ROBO1: variants seen among roughly 807,000 people sequenced by gnomAD.
The protein encoded by ROBO1 is roundabout homolog 1.
In ROBO1, 149 loss-of-function variants were observed where a neutral mutation model predicts 195.9. The ratio of observed to expected loss-of-function variants is 0.76; its 90% confidence interval spans 0.67 to 0.87. The LOEUF (loss-of-function observed/expected upper bound fraction) is 0.87, where lower values mean the gene tolerates loss of function less well. Ranked by LOEUF, ROBO1 falls within the 40% of genes least tolerant of loss-of-function variation. The pLI is 0.00. For missense variants in ROBO1, 1,933 were observed against 2,068.3 expected, an observed-to-expected ratio of 0.93 and a Z score of 1.27; for synonymous variants, 816 against 733.2, an observed-to-expected ratio of 1.11 and a Z score of -1.82.
intron 2 of ROBO1, among the ~76,000 whole-genome samples, chr3:79,397,615 A>G (rs1257396813): frequency 6.6e-6 from 1 of 152,216 alleles, no homozygotes; most frequent in Admixed American, 6.6e-5. Context: ...ACACATAAGC[A>G]GACCATCGAT....
intron 3 of ROBO1, among the ~76,000 whole-genome samples, chr3:79,099,174 T>TCCAA (rs2079628219): frequency 6.6e-6 from 1 of 151,838 alleles, no homozygotes; most frequent in East Asian, 1.9e-4. Flanking sequence ...AACATACTTT[T>TCCAA]TCTGCCTCTA....
intron 2 of ROBO1, among the ~76,000 whole-genome samples, chr3:79,214,715 C>CTA (rs1478729099): frequency 1.1e-3 from 163 of 146,226 alleles, no homozygotes; most frequent in African/African-American, 3.6e-3. Flanking sequence ...TTAGTAATTG[C>CTA]TATATATATA....
Position 79,561,655 on chromosome 3 carries a change from T to C in ROBO1, c.88+28169A>G, listed in dbSNP as rs992247173. Among the ~76,000 whole-genome samples, 7 of 152,268 alleles carry C rather than the reference T, an allele frequency of 4.6e-5. 1 individual carries two copies. Among genetic ancestry groups the C allele is most frequent in the Admixed American group, 4.6e-4 (7 of 15,264 alleles). On this transcript the variant is annotated intron_variant, in intron 2 of 30. Coordinates refer to ENST00000464233, the MANE Select transcript of ROBO1 (RefSeq NM_002941.4). ...TAGTTTTAGAATATTAACTGTGATG[T>C]TTGGAGAAGGAGTTAAAGTTCAAGA... is the stretch of plus-strand genomic sequence containing the variant.
At chr3:78,744,617 A>G (rs2082612165) in intron 5 of ROBO1, among the ~76,000 whole-genome samples, 1 of 152,138 alleles carries the variant, frequency 6.6e-6, no homozygotes, top group Admixed American at 6.5e-5. Flanking sequence ...CGTTAGGTAT[A>G]CCCCACCTTA....
At chr3:78,946,779 T>C (rs1576448428) in intron 3 of ROBO1, among the ~76,000 whole-genome samples, 1 of 152,088 alleles carries the variant, frequency 6.6e-6, no homozygotes, top group East Asian at 1.9e-4. Flanking sequence ...AGGAGACCCA[T>C]CTCACGTGCA....
intron 3 of ROBO1, among the ~76,000 whole-genome samples, chr3:78,965,512 A>AGT (rs1353270549): frequency 2.8e-4 from 43 of 152,160 alleles, no homozygotes; most frequent in Admixed American, 1.3e-4. Context: ...AAAGTTCTTT[A>AGT]GTGGGAAAAT....
chr3:79,588,955 G>C (rs1943912837), intron 2 of ROBO1, among the ~76,000 whole-genome samples: 1 of 151,658 alleles, frequency 6.6e-6, no homozygotes, highest in South Asian at 2.1e-4. Context: ...TTGATTTTGT[G>C]TGGATGAACA....
intron 19 of ROBO1, among the ~76,000 whole-genome samples, chr3:78,648,114 A>G (rs1196510625): frequency 2.6e-5 from 4 of 151,876 alleles, no homozygotes; most frequent in Non-Finnish European, 5.9e-5. Flanking sequence ...ACATTGAGAG[A>G]AAAAAAAGAG....
chr3:79,577,579 A>G (rs968728151), intron 2 of ROBO1, among the ~76,000 whole-genome samples: 9 of 152,176 alleles, frequency 5.9e-5, no homozygotes, highest in Non-Finnish European at 1.2e-4. Context: ...TTGAATGCCA[A>G]ATTTACAAAG....
chr3:79,756,326 C>T (rs28385325), intron 1 of ROBO1, among the ~76,000 whole-genome samples: 1,531 of 151,896 alleles, frequency 0.01, 34 homozygotes, highest in African/African-American at 0.035. Context: ...CCAAGGCGGG[C>T]GGTTCACGAG....
intron 2 of ROBO1, among the ~76,000 whole-genome samples, chr3:79,513,422 G>GA (rs994685181): frequency 6.7e-5 from 10 of 149,982 alleles, no homozygotes; most frequent in Admixed American, 2.0e-4. Context: ...AGCAAGAGGG[G>GA]AAAAAAAAAC....
intron 1 of ROBO1, among the ~76,000 whole-genome samples, chr3:79,650,372 A>G (rs1945966842): frequency 6.6e-6 from 1 of 151,756 alleles, no homozygotes; most frequent in African/African-American, 2.4e-5. Context: ...TGAAGAAGAA[A>G]TGATAATCAA....
intron 5 of ROBO1, among the ~76,000 whole-genome samples, chr3:78,730,770 C>T (rs1285175744): frequency 1.3e-5 from 2 of 152,134 alleles, no homozygotes; most frequent in African/African-American, 2.4e-5. Flanking sequence ...ATGGAAAACA[C>T]GTTCAAAACA....
chr3:79,197,087 C>T (rs2081651415), intron 2 of ROBO1, among the ~76,000 whole-genome samples: 1 of 151,554 alleles, frequency 6.6e-6, no homozygotes, highest in Non-Finnish European at 1.5e-5. Flanking sequence ...TTCTGCACAA[C>T]ATTCAGATTT....
intron 2 of ROBO1, among the ~76,000 whole-genome samples, chr3:79,558,879 A>T (rs553618778): frequency 6.6e-6 from 1 of 152,208 alleles, no homozygotes; most frequent in African/African-American, 2.4e-5. Flanking sequence ...TGAGTAAAAC[A>T]TCTGTTTGGG....
intron 1 of ROBO1, among the ~76,000 whole-genome samples, chr3:79,637,930 ATGGATGGT>A (rs1395631176): frequency 2.6e-5 from 4 of 152,126 alleles, no homozygotes; most frequent in Non-Finnish European, 5.9e-5. Context: ...ATTTTTTTAT[ATGGATGGT>A]TAGTATAAAG....
chr3:78,851,135 TTTG>T (rs1202927628), intron 4 of ROBO1, among the ~76,000 whole-genome samples: 1 of 152,138 alleles, frequency 6.6e-6, no homozygotes, highest in Non-Finnish European at 1.5e-5. Context: ...TGTGTCATTT[TTTG>T]TTGTTGTTTT....
intron 1 of ROBO1, among the ~76,000 whole-genome samples, chr3:79,717,385 C>T (rs996657172): frequency 2.0e-5 from 3 of 151,790 alleles, no homozygotes; most frequent in Admixed American, 6.6e-5. Flanking sequence ...GATAAAATGC[C>T]AGACAATTGC....
intron 4 of ROBO1, among the ~76,000 whole-genome samples, chr3:78,912,145 A>G (rs562301389): frequency 1.2e-4 from 19 of 152,106 alleles, no homozygotes; most frequent in African/African-American, 4.6e-4. Flanking sequence ...TTGATTTTAC[A>G]GTTAAAAAAC....
Sources: gnomAD v4.1 joint callset for allele counts (sites outside exome capture counted in the v4.1 genomes callset) on GRCh38, gnomAD v4.1.1 for gene constraint, MANE v1.5 for transcripts, NCBI Gene and HGNC (gene_info 2026-07-23, HGNC 2026-07-21) for gene names.